Variants in MYT1L observed in about 807,000 individuals in gnomAD.
MYT1L encodes myelin transcription factor 1 like, also known as myelin transcription factor 1-like protein.
MYT1L carries 12 observed loss-of-function variants against 126.7 expected under a neutral mutation model. The observed-to-expected ratio is 0.09, with a 90% confidence interval of 0.06 to 0.15. The LOEUF is 0.15. Among genes scored for constraint, MYT1L ranks in the 10% least tolerant of loss-of-function variants. The pLI is 1.00. For missense variants in MYT1L, 979 were observed against 1,585.2 expected (o/e 0.62, Z 6.49); for synonymous variants, 541 against 604.2 (o/e 0.90, Z 1.53).
intron 3 of MYT1L, among the ~76,000 whole-genome samples, chr2:2,150,847 AGAAGG>A (rs1210957293): frequency 7.1e-6 from 1 of 141,750 alleles, no homozygotes; most frequent in Non-Finnish European, 1.5e-5. Flanking sequence ...GGAAGGGAAA[AGAAGG>A]GAAGGGAAGG....
At chr2:1,795,265 G>A (rs948089798) in intron 23 of MYT1L, among the ~76,000 whole-genome samples, 2 of 152,246 alleles carry the variant, frequency 1.3e-5, no homozygotes, top group African/African-American at 4.8e-5. Context: ...TGTGAGGCAT[G>A]TTTGCAGTGA....
At chr2:1,829,285 A>C (rs111250039) in intron 21 of MYT1L, among the ~76,000 whole-genome samples, 1 of 146,068 alleles carries the variant, frequency 6.8e-6, no homozygotes, top group African/African-American at 2.6e-5. Flanking sequence ...ACCCTCCCAT[A>C]CACCTGTGAA....
chr2:2,167,044 G>A (rs996132036), intron 3 of MYT1L, among the ~76,000 whole-genome samples: 24 of 152,118 alleles, frequency 1.6e-4, no homozygotes, highest in African/African-American at 5.3e-4. Flanking sequence ...TTCCGCCTCC[G>A]TCTTTTATGG....
At chr2:2,279,740 A>G (rs1020708713) in intron 2 of MYT1L, among the ~76,000 whole-genome samples, 2 of 152,166 alleles carry the variant, frequency 1.3e-5, no homozygotes, top group Non-Finnish European at 2.9e-5. Flanking sequence ...CCTTCAAGGT[A>G]TTTCCATTTT....
At chr2:1,823,371 T>C (rs2038834435) in intron 21 of MYT1L, among the ~76,000 whole-genome samples, 1 of 152,188 alleles carries the variant, frequency 6.6e-6, no homozygotes, top group Non-Finnish European at 1.5e-5. Context: ...GTGGCAGCTG[T>C]AGTTGTAGCC....
intron 1 of MYT1L, among the ~76,000 whole-genome samples, chr2:2,311,572 G>T (rs1168717760): frequency 6.6e-6 from 1 of 152,136 alleles, no homozygotes; most frequent in Non-Finnish European, 1.5e-5. Flanking sequence ...ACACGACTTT[G>T]GGGGGCACCA....
At chr2:2,138,185 C>A (rs1244656973) in intron 3 of MYT1L, among the ~76,000 whole-genome samples, 1 of 152,022 alleles carries the variant, frequency 6.6e-6, no homozygotes, top group East Asian at 1.9e-4. Flanking sequence ...ATTAAAAAGT[C>A]AGGAAACAAC....
Position 2,133,018 on chromosome 2 carries a change from A to G in MYT1L, c.-304+39854T>C, listed in dbSNP as rs138806858. Among the ~76,000 whole-genome samples the G allele has an allele frequency of 6.1e-3, 922 of 152,274 alleles. 12 individuals carry two copies. The highest frequency in any genetic ancestry group is 0.021 in the African/African-American group (887 of 41,552). ...CAATTGCTAAGTTTTGAAAGATGTCATAACAAGGAGGAGAGGTATGCTTCT... is the reference window on the plus strand; with the variant it reads ...CAATTGCTAAGTTTTGAAAGATGTCGTAACAAGGAGGAGAGGTATGCTTCT... On this transcript the variant is annotated intron_variant, in intron 3 of 24. Transcript: ENST00000647738.
rs898040727 is a variant in MYT1L, at chr2:1,852,257, G to A, written c.2712-554C>T. Among the ~76,000 whole-genome samples, 33 of 152,168 alleles carry A rather than the reference G, an allele frequency of 2.2e-4. No homozygotes were observed. The highest frequency in any genetic ancestry group is 7.5e-4 in the African/African-American group (31 of 41,440). The stretch of plus-strand genomic sequence containing the variant: ...CATCTGGACCATGGGAATGCAGGCC[G>A]ACTGTCTTTCCGATGACCACTGTGC... On this transcript the variant is annotated intron_variant, in intron 18 of 24. Transcript: ENST00000647738. This position sits in a 1 kb window ranked among gnomAD's most constrained non-coding sequence, Gnocchi z 4.0.
chr2:1,930,650 A>G lies in MYT1L; in HGVS notation c.506-7387T>C, dbSNP rs532485512. Among the ~76,000 whole-genome samples the G allele has an allele frequency of 2.6e-5, 4 of 152,304 alleles. No individual in the cohort carries two copies. In the South Asian group the frequency reaches 8.3e-4, roughly 32 times the overall value. ...GAGCTGTGAGTACAGGTGAGGAGGTATCTGAATTTTGCTTTCAGATACTGA... is the reference window on the plus strand; with the variant it reads ...GAGCTGTGAGTACAGGTGAGGAGGTGTCTGAATTTTGCTTTCAGATACTGA... On this transcript the variant is annotated intron_variant, in intron 9 of 24. Coordinates refer to ENST00000647738, the MANE Select transcript of MYT1L (RefSeq NM_001303052.2).
chr2:2,037,803 AC>A (rs934662994), intron 4 of MYT1L, among the ~76,000 whole-genome samples: 4 of 146,582 alleles, frequency 2.7e-5, no homozygotes, highest in Non-Finnish European at 6.0e-5. Context: ...AAACAAAAAA[AC>A]AAAAAAAAAA....
intron 21 of MYT1L, among the ~76,000 whole-genome samples, chr2:1,838,247 A>C (rs1572715105): frequency 2.0e-5 from 3 of 152,098 alleles, no homozygotes; most frequent in Admixed American, 2.0e-4. Flanking sequence ...ACATTGTTTG[A>C]ATTTTCTACC....
chr2:1,865,766 G>A (rs1359800180), intron 18 of MYT1L, among the ~76,000 whole-genome samples: 2 of 152,084 alleles, frequency 1.3e-5, no homozygotes, highest in Non-Finnish European at 2.9e-5. Flanking sequence ...CTTAGTACAT[G>A]CTCAGTACAC....
intron 8 of MYT1L, among the ~76,000 whole-genome samples, chr2:1,947,324 G>A (rs936402417): frequency 1.3e-5 from 2 of 152,214 alleles, no homozygotes; most frequent in African/African-American, 2.4e-5. Context: ...AGGTTTAGAG[G>A]AGGGGAGTGG....
chr2:1,939,402 G>A (rs1339768020), intron 9 of MYT1L, among the ~76,000 whole-genome samples: 1 of 152,198 alleles, frequency 6.6e-6, no homozygotes, highest in Non-Finnish European at 1.5e-5. Context: ...CCAGCTTTTA[G>A]GGAGTGCATG....
intron 3 of MYT1L, among the ~76,000 whole-genome samples, chr2:2,098,231 T>C (rs926486185): frequency 1.4e-4 from 22 of 152,214 alleles, no homozygotes; most frequent in Non-Finnish European, 2.9e-5. Flanking sequence ...TAGGCGTTCC[T>C]GTAGGCTTCT....
intron 22 of MYT1L, among the ~76,000 whole-genome samples, chr2:1,807,233 T>G (rs139706680): frequency 6.6e-6 from 1 of 152,218 alleles, no homozygotes; most frequent in East Asian, 1.9e-4. Context: ...TGTTGAGGAA[T>G]AGTTTGTACT....
chr2:2,004,165 T>C (rs540521424), intron 4 of MYT1L, among the ~76,000 whole-genome samples: 37 of 149,928 alleles, frequency 2.5e-4, no homozygotes, highest in African/African-American at 8.7e-4. Flanking sequence ...CTGTGTGCCT[T>C]CTTTCCTGCG....
intron 4 of MYT1L, among the ~76,000 whole-genome samples, chr2:2,031,255 T>C (rs1031702309): frequency 6.6e-6 from 1 of 152,176 alleles, no homozygotes; most frequent in Admixed American, 6.5e-5. Context: ...CAAGCTTGCA[T>C]GAAAGAGGGC....
Sources: gnomAD v4.1 joint callset for allele counts (sites outside exome capture counted in the v4.1 genomes callset) on GRCh38, gnomAD v4.1.1 for gene constraint, Gnocchi (gnomAD v3.1) non-coding constraint, MANE v1.5 for transcripts, NCBI Gene and HGNC (gene_info 2026-07-23, HGNC 2026-07-21) for gene names.